FOXP1: variants seen among roughly 807,000 people sequenced by gnomAD.
FOXP1 encodes forkhead box protein P1.
A neutral mutation model predicts 98.2 loss-of-function variants in FOXP1; 15 were observed. The ratio of observed to expected loss-of-function variants is 0.15; its 90% CI spans 0.10 to 0.24. The LOEUF (loss-of-function observed/expected upper bound fraction) is 0.24. FOXP1 is among the 10% of genes least tolerant of loss of function. The pLI, the probability that FOXP1 is intolerant of heterozygous loss-of-function variation, is 1.00. For synonymous variants in FOXP1, 371 were observed against 314.5 expected (o/e 1.18, Z -1.90); for missense variants, 633 against 848.5 (o/e 0.75, Z 3.15).
rs768885293 is a variant in FOXP1, at chr3:71,407,264, T to C, written c.-167-48020A>G. The stretch of plus-strand genomic sequence containing the variant: ...AAAACAAATGACTTTCAGTAGTGTA[T>C]GTTTCACTGGGTTTGTGTATTGGGT... On this transcript the variant is annotated intron_variant, in intron 3 of 20. Transcript: ENST00000649528. 4.3e-4 allele frequency among the ~76,000 whole-genome samples: 66 copies of C among 152,170 alleles called. 1 individual carries two copies. The highest frequency in any genetic ancestry group is 8.1e-4 in the Non-Finnish European group (55 of 68,024).
At chr3:71,562,258 T>C (rs1052754646) in intron 2 of FOXP1, among the ~76,000 whole-genome samples, 1 of 152,214 alleles carries the variant, frequency 6.6e-6, no homozygotes, top group Admixed American at 6.5e-5. Flanking sequence ...TGAGGGCTCC[T>C]TATGTTCTAG....
At chr3:71,148,621 A>T (rs755818237) in intron 6 of FOXP1, among the ~76,000 whole-genome samples, 11 of 152,186 alleles carry the variant, frequency 7.2e-5, no homozygotes, top group Non-Finnish European at 1.3e-4. Context: ...TCTTCCTTTG[A>T]CATATACTTA....
chr3:71,040,005 T>G (rs551675733), intron 11 of FOXP1, among the ~76,000 whole-genome samples: 1 of 152,260 alleles, frequency 6.6e-6, no homozygotes, highest in Admixed American at 6.5e-5. Context: ...CTTGGAAGGA[T>G]AGTTGAAAAT....
intron 6 of FOXP1, among the ~76,000 whole-genome samples, chr3:71,186,993 T>C (rs555519832): frequency 1.2e-4 from 19 of 152,212 alleles, no homozygotes; most frequent in Non-Finnish European, 2.2e-4. Flanking sequence ...TAGGCAACAG[T>C]AGGCAAGCGG....
chr3:71,464,892 A>G (rs763558460), intron 3 of FOXP1, among the ~76,000 whole-genome samples: 8 of 152,188 alleles, frequency 5.3e-5, no homozygotes, highest in Non-Finnish European at 8.8e-5. Context: ...ACATAACCTC[A>G]TAGGAGCTAC....
intron 3 of FOXP1, among the ~76,000 whole-genome samples, chr3:71,452,794 C>T (rs1206886279): frequency 6.6e-6 from 1 of 152,172 alleles, no homozygotes; most frequent in Non-Finnish European, 1.5e-5. Flanking sequence ...GAATTCCACA[C>T]ACTGGCCTCC....
intron 2 of FOXP1, among the ~76,000 whole-genome samples, chr3:71,539,370 C>T (rs2107598066): frequency 6.6e-6 from 1 of 150,638 alleles, no homozygotes; most frequent in South Asian, 2.1e-4. Flanking sequence ...ATCCACCTGC[C>T]TCAGCCTTCC....
chr3:71,301,205 C>G (rs138899964), intron 4 of FOXP1, among the ~76,000 whole-genome samples: 17 of 152,230 alleles, frequency 1.1e-4, no homozygotes, highest in South Asian at 2.1e-4. Context: ...GCAGCCTGAC[C>G]AAAACCTTTT....
intron 3 of FOXP1, among the ~76,000 whole-genome samples, chr3:71,411,622 G>T (rs192713841): frequency 3.3e-5 from 5 of 152,270 alleles, no homozygotes; most frequent in South Asian, 2.1e-4. Flanking sequence ...GCGCCCGGCT[G>T]AATGGTCTTC....
At chr3:71,167,650 A>T (rs1279864886) in intron 6 of FOXP1, among the ~76,000 whole-genome samples, 1 of 152,154 alleles carries the variant, frequency 6.6e-6, no homozygotes, top group Non-Finnish European at 1.5e-5. Context: ...TCTTAAGAGG[A>T]TGTCTTACTG....
intron 11 of FOXP1, among the ~76,000 whole-genome samples, chr3:71,035,615 G>A (rs909467662): frequency 1.3e-5 from 2 of 152,196 alleles, no homozygotes; most frequent in Non-Finnish European, 2.9e-5. Context: ...CTTGACTCAT[G>A]TTGGCAGGAA....
At chr3:70,974,661 T>C (rs994094637) in intron 17 of FOXP1, among the ~76,000 whole-genome samples, 1 of 152,132 alleles carries the variant, frequency 6.6e-6, no homozygotes, top group Non-Finnish European at 1.5e-5. Flanking sequence ...TGGAACAAAA[T>C]TGAGGTGGTA....
chr3:70,966,099 T>TAAGA (rs1559580331), intron 19 of FOXP1, 43 bp from the exon 20 acceptor site: 1 of 1,552,070 alleles, frequency 6.4e-7, no homozygotes, highest in Non-Finnish European at 8.9e-7. Context: ...ACAGGGTATG[T>TAAGA]AAGACAAGGA....
chr3:71,322,999 C>A (rs1165866579), intron 4 of FOXP1, among the ~76,000 whole-genome samples: 1 of 147,620 alleles, frequency 6.8e-6, no homozygotes, highest in South Asian at 2.1e-4. Context: ...GAGATGGAGT[C>A]TTGCTCTGTT....
intron 4 of FOXP1, among the ~76,000 whole-genome samples, chr3:71,356,175 A>G (rs1281941374): frequency 6.7e-6 from 1 of 150,136 alleles, no homozygotes; most frequent in Admixed American, 6.7e-5. Context: ...GCAGTTAGTG[A>G]ATTCTGCTTG....
At chr3:71,048,411 G>C (rs536678987) in intron 9 of FOXP1, among the ~76,000 whole-genome samples, 1 of 152,008 alleles carries the variant, frequency 6.6e-6, no homozygotes. Context: ...GTTTCCTTTC[G>C]GTCTTCATGT....
At position 70,955,312 on chromosome 3, in the gene FOXP1, G is replaced by A; in HGVS notation, c.*3935C>T. ...TTACTAGGTCTGACTGGATGCTGGG[G>A]ATGGTGTTAGAGCTGTCCAAAGGTG... is the stretch of plus-strand genomic sequence containing the variant. On this transcript the variant is annotated 3_prime_UTR_variant, in exon 21 of 21. Coordinates refer to ENST00000649528, the MANE Select transcript of FOXP1 (RefSeq NM_001349338.3). The A allele has an allele frequency of 4.3e-6, 1 of 233,002 alleles. No homozygotes were observed. Among genetic ancestry groups the A allele is most frequent in the East Asian group, 6.0e-5 (1 of 16,548 alleles). 14.4% of individuals were successfully genotyped at this position (233,002 alleles called of 1,614,324 possible).
At chr3:71,013,017 G>C (rs1389309902) in intron 12 of FOXP1, among the ~76,000 whole-genome samples, 2 of 152,098 alleles carry the variant, frequency 1.3e-5, no homozygotes, top group African/African-American at 4.8e-5. Context: ...TACAAAAATG[G>C]AGGGCAGTTT....
At chr3:71,010,242 T>C (rs183941978) in intron 12 of FOXP1, among the ~76,000 whole-genome samples, 1 of 152,198 alleles carries the variant, frequency 6.6e-6, no homozygotes, top group East Asian at 1.9e-4. Flanking sequence ...AAACTGTCAA[T>C]AAGAAGTGCT....
Sources: allele counts gnomAD v4.1 joint callset (sites outside exome capture counted in the v4.1 genomes callset), GRCh38; gene constraint gnomAD v4.1.1; transcripts MANE v1.5; gene names NCBI Gene and HGNC (gene_info 2026-07-23, HGNC 2026-07-21).